Variants in IRAG1 observed in about 807,000 individuals in gnomAD.
The protein encoded by IRAG1 is inositol 1,4,5-triphosphate receptor associated 1, also known as IP3R-associated cGMP kinase substrate.
A neutral mutation model predicts 106.2 loss-of-function variants in IRAG1; 62 were observed. The ratio of observed to expected loss-of-function variants is 0.58; its 90% CI spans 0.48 to 0.72. The LOEUF (loss-of-function observed/expected upper bound fraction) is 0.72, where lower values mean the gene tolerates loss of function less well. IRAG1 is among the 30% of genes least tolerant of loss of function. The pLI is 0.00. For synonymous variants in IRAG1, 462 were observed against 443.9 expected (o/e 1.04, Z -0.51); for missense variants, 1,064 against 1,140.7 (o/e 0.93, Z 0.97).
At chr11:10,583,948 G>C (rs1315569930) in intron 18 of IRAG1, among the ~76,000 whole-genome samples, 1 of 152,034 alleles carries the variant, frequency 6.6e-6, no homozygotes, top group Non-Finnish European at 1.5e-5. Context: ...TGTGGAGAGA[G>C]GAGGGGTGTA....
chr11:10,636,253 T>C (rs1234153999), intron 2 of IRAG1, among the ~76,000 whole-genome samples: 1 of 152,238 alleles, frequency 6.6e-6, no homozygotes, highest in Non-Finnish European at 1.5e-5. Context: ...TAGCTCGTTG[T>C]AGCCTCTGCC....
intron 10 of IRAG1, 137 bp downstream of exon 10, chr11:10,623,641 A>G: frequency 1.2e-6 from 1 of 818,790 alleles, no homozygotes; most frequent in South Asian, 1.6e-5. Context: ...CAGAAGACAC[A>G]ATCGGATTCA....
chr11:10,615,010 A>G (rs1051555408), intron 10 of IRAG1, among the ~76,000 whole-genome samples: 4 of 152,330 alleles, frequency 2.6e-5, no homozygotes, highest in East Asian at 1.9e-4. Context: ...CCTACAGAAC[A>G]GGAGAAAATT....
intron 9 of IRAG1, 96 bp downstream of exon 9, chr11:10,625,870 G>A (rs1856202201): frequency 8.1e-7 from 1 of 1,229,552 alleles, no homozygotes; most frequent in East Asian, 3.0e-5. Context: ...CCAGGCCAGA[G>A]CTGCCCTGGC....
chr11:10,630,239 A>G (rs1591638020), intron 4 of IRAG1, among the ~76,000 whole-genome samples: 2 of 152,248 alleles, frequency 1.3e-5, no homozygotes, highest in East Asian at 1.9e-4. Flanking sequence ...TCAGGATCAC[A>G]GGAGTCACTC....
chr11:10,693,501 G>A, intron 1 of IRAG1, 35 bp downstream of exon 1: 1 of 1,535,308 alleles, frequency 6.5e-7, no homozygotes, highest in Non-Finnish European at 8.7e-7. Context: ...CCCAGCCGAA[G>A]AGGCAGGTTA....
In IRAG1 at chr11:10,652,323, G is replaced by A. The variant is rs868218124; in HGVS notation, c.68-141C>T. On this transcript the variant is annotated intron_variant, in intron 1 of 20. Coordinates refer to ENST00000423302, the MANE Select transcript of IRAG1 (RefSeq NM_130385.4). ...GGAGGTCAAACCAGGCTAGGAGAGG[G>A]CATTTGGAATTTCATTTCCTCCGGC... 2.4e-5 allele frequency: 35 copies of A among 1,450,402 alleles called. No individual in the cohort carries two copies. In the Middle Eastern group the frequency reaches 1.4e-3, roughly 60 times the overall value. The allele number at this position is 1,450,402 out of a possible 1,614,324, so 89.8% of individuals were successfully genotyped here. A position where few individuals can be genotyped will look rare whatever the true frequency, so the allele number is the denominator to read the frequency against.
At chr11:10,685,737 A>G (rs1373940812) in intron 1 of IRAG1, among the ~76,000 whole-genome samples, 1 of 151,554 alleles carries the variant, frequency 6.6e-6, no homozygotes, top group Non-Finnish European at 1.5e-5. Flanking sequence ...AAAAAAAAAA[A>G]AAAAAATTGT....
intron 10 of IRAG1, among the ~76,000 whole-genome samples, chr11:10,612,117 C>T (rs771258437): frequency 6.6e-6 from 1 of 152,222 alleles, no homozygotes; most frequent in South Asian, 2.1e-4. Flanking sequence ...CCACCATGTT[C>T]TCCCCCGACT....
chr11:10,645,698 C>T (rs1275952086), intron 2 of IRAG1, among the ~76,000 whole-genome samples: 1 of 152,216 alleles, frequency 6.6e-6, no homozygotes, highest in Non-Finnish European at 1.5e-5. Context: ...GAGCTAAGTA[C>T]TTTGCTCATC....
In IRAG1 at chr11:10,593,507, G is replaced by A; in HGVS notation, c.2160C>T (p.Pro720=). Residue 720 remains proline, a synonymous_variant, in exon 17 of 21, where the codon CCC becomes CCT. Transcript: ENST00000423302. ...TCATACTTACCAAGGCTGGTAAGGA[G>A]GGAATGGATGATGAGCTGGGAGTTT... ...PGQTPSSSSI[P]SLPALSESPN... 1 of 1,613,522 alleles carries A rather than the reference G, an allele frequency of 6.2e-7. No individual in the cohort carries two copies.
intron 17 of IRAG1, among the ~76,000 whole-genome samples, chr11:10,592,458 T>C (rs1293449496): frequency 6.6e-6 from 1 of 152,244 alleles, no homozygotes; most frequent in Non-Finnish European, 1.5e-5. Context: ...TTTAGGTTGA[T>C]TTCATAGACG....
At chr11:10,644,706 G>A (rs1484779814) in intron 2 of IRAG1, among the ~76,000 whole-genome samples, 1 of 152,202 alleles carries the variant, frequency 6.6e-6, no homozygotes, top group Non-Finnish European at 1.5e-5. Flanking sequence ...ACTCTACACA[G>A]TCCTTACCAG....
chr11:10,653,348 C>T (rs1403706569), intron 1 of IRAG1, among the ~76,000 whole-genome samples: 1 of 152,176 alleles, frequency 6.6e-6, no homozygotes, highest in Non-Finnish European at 1.5e-5. Flanking sequence ...ACAATTAAGC[C>T]TCTTGGTGTT....
Position 10,628,046 on chromosome 11 carries a change from G to A in IRAG1, c.653-21C>T, listed in dbSNP as rs1282064811. The A allele has an allele frequency of 6.2e-7, 1 of 1,613,568 alleles. No homozygotes were observed. Among genetic ancestry groups the A allele is most frequent in the East Asian group, 2.2e-5 (1 of 44,838 alleles). Reference sequence around the variant, plus strand: ...CAAACCTGGAAGGGTCCAGACACTAGTGAGTGAGGCCCAGCAGCCCAGGCC... The same window carrying A: ...CAAACCTGGAAGGGTCCAGACACTAATGAGTGAGGCCCAGCAGCCCAGGCC... On this transcript the variant is annotated intron_variant, in intron 6 of 20. Coordinates refer to ENST00000423302, the MANE Select transcript of IRAG1 (RefSeq NM_130385.4). The surrounding 1 kb of genome is among the most constrained non-coding windows in gnomAD (Gnocchi z 4.1).
At chr11:10,668,315 T>C (rs1175994234) in intron 1 of IRAG1, among the ~76,000 whole-genome samples, 1 of 152,254 alleles carries the variant, frequency 6.6e-6, no homozygotes, top group Non-Finnish European at 1.5e-5. Flanking sequence ...TATTCAAATT[T>C]GAAAAGTATG....
chr11:10,579,565 G>C (rs1851180665), intron 20 of IRAG1, among the ~76,000 whole-genome samples: 1 of 152,118 alleles, frequency 6.6e-6, no homozygotes, highest in African/African-American at 2.4e-5. Flanking sequence ...ATGAAATTGG[G>C]CTGTCCTGAA....
intron 1 of IRAG1, among the ~76,000 whole-genome samples, chr11:10,682,200 G>C (rs575509108): frequency 6.6e-6 from 1 of 152,322 alleles, no homozygotes; most frequent in East Asian, 1.9e-4. Context: ...CTCAATAAAT[G>C]ACAGTAATTT....
At chr11:10,685,625 G>A (rs945442838) in intron 1 of IRAG1, among the ~76,000 whole-genome samples, 39 of 151,802 alleles carry the variant, frequency 2.6e-4, no homozygotes, top group East Asian at 9.7e-4. Flanking sequence ...GGAGGCTGAG[G>A]TGGGAGGATC....
Sources: allele counts gnomAD v4.1 joint callset (sites outside exome capture counted in the v4.1 genomes callset), GRCh38; gene constraint gnomAD v4.1.1; non-coding constraint Gnocchi (gnomAD v3.1); transcripts MANE v1.5; gene names NCBI Gene and HGNC (gene_info 2026-07-23, HGNC 2026-07-21).